The following ATP1A2 variants were observed in gnomAD, a reference collection of about 807,000 sequenced individuals.
ATP1A2 encodes sodium/potassium-transporting ATPase subunit alpha-2.
Under a neutral mutation model 113.1 loss-of-function variants are expected in ATP1A2, and 56 were observed. The ratio of observed to expected loss-of-function variants is 0.49; its 90% CI spans 0.40 to 0.62. The LOEUF (loss-of-function observed/expected upper bound fraction) is 0.62. Ranked by LOEUF, ATP1A2 falls within the 20% of genes least tolerant of loss-of-function variation. The pLI is 0.00. For missense variants in ATP1A2, 712 were observed against 1,357.8 expected (o/e 0.52, Z 7.47); for synonymous variants, 490 against 526.8 (o/e 0.93, Z 0.96).
intron 13 of ATP1A2, among the ~76,000 whole-genome samples, chr1:160,131,941 G>A (rs1316350246): frequency 1.3e-5 from 2 of 152,156 alleles, no homozygotes; most frequent in Non-Finnish European, 2.9e-5. Flanking sequence ...TGATCTGCTT[G>A]ACCGGAAAGC....
intron 18 of ATP1A2, 27 bp downstream of exon 18, chr1:160,136,397 G>A (rs971891646): frequency 5.6e-6 from 9 of 1,613,436 alleles, no homozygotes; most frequent in African/African-American, 2.7e-5. Flanking sequence ...GCCTCGGGAG[G>A]GAACCCCAAC....
In ATP1A2 at chr1:160,136,303, GC is replaced by G; in HGVS notation, c.2498del (p.Pro833HisfsTer10). 6.2e-7 allele frequency: 1 copy of G among 1,614,204 alleles called. No homozygotes were observed. The highest frequency in any genetic ancestry group is 8.5e-7 in the Non-Finnish European group (1 of 1,180,032). ...CTGAGAGTGATATCATGAAGCGGCAGCCACGAAACTCCCAGACGGACAAGCT... is the reference window on the plus strand; with the variant it reads ...CTGAGAGTGATATCATGAAGCGGCAGCACGAAACTCCCAGACGGACAAGCT... The part of the protein sequence containing the change: ...AAESDIMKRQ[P>X]RNSQTDKLVN... On this transcript the variant is annotated frameshift_variant, in exon 18 of 23. Coordinates refer to ENST00000361216, the MANE Select transcript of ATP1A2 (RefSeq NM_000702.4). LOFTEE classifies it high-confidence loss of function.
Position 160,141,010 on chromosome 1 carries a change from A to T in ATP1A2, c.3035-284A>T, listed in dbSNP as rs115534019. 0.014 allele frequency among the ~76,000 whole-genome samples: 2,134 copies of T among 151,948 alleles called. 18 individuals carry two copies. The highest frequency in any genetic ancestry group is 0.023 in the Non-Finnish European group (1,550 of 67,938). On this transcript the variant is annotated intron_variant, in intron 22 of 22. Coordinates refer to ENST00000361216, the MANE Select transcript of ATP1A2 (RefSeq NM_000702.4). ...CCAGAGTAGCTGGGATTGCAGGCGCATGCCACTATGCCCGACTAATTTTTT... is the reference window on the plus strand; with the variant it reads ...CCAGAGTAGCTGGGATTGCAGGCGCTTGCCACTATGCCCGACTAATTTTTT...
chr1:160,128,795 C>T lies in ATP1A2; in HGVS notation c.1161C>T (p.Ala387=). ...TCACCCAGAACCGCATGACCGTCGC[C>T]CACATGTGGTTCGACAACCAAATCC... ...GTLTQNRMTV[A]HMWFDNQIHE... Residue 387 remains alanine (A), a synonymous_variant, in exon 9 of 23, where the codon GCC becomes GCT. Coordinates refer to ENST00000361216, the MANE Select transcript of ATP1A2 (RefSeq NM_000702.4). 1 of 1,614,186 alleles carries T rather than the reference C, an allele frequency of 6.2e-7. No individual in the cohort carries two copies. The highest frequency in any genetic ancestry group is 8.5e-7 in the Non-Finnish European group (1 of 1,180,032).
intron 1 of ATP1A2, 90 bp from the exon 2 acceptor site, chr1:160,120,816 C>T: frequency 1.5e-6 from 2 of 1,347,238 alleles, no homozygotes; most frequent in Non-Finnish European, 2.1e-6. Flanking sequence ...AACACACACC[C>T]CCACTGCCTG....
chr1:160,136,227 C>T lies in ATP1A2; in HGVS notation c.2440-20C>T. ...CGTCCCTTCAAATGCCCTCCCTGCC[C>T]CATTTCCTACCCCACACAGGTCCCT... is the stretch of plus-strand genomic sequence containing the variant. On this transcript the variant is annotated intron_variant, in intron 17 of 22. Coordinates refer to ENST00000361216, the MANE Select transcript of ATP1A2 (RefSeq NM_000702.4). The T allele has an allele frequency of 6.2e-7, 1 of 1,614,086 alleles. No homozygotes were observed. Among genetic ancestry groups the T allele is most frequent in the East Asian group, 2.2e-5 (1 of 44,886 alleles).
Position 160,136,218 on chromosome 1 carries a change from CT to C in ATP1A2, c.2440-28del, listed in dbSNP as rs773843893. ...CATCTCCTACGTCCCTTCAAATGCCCTCCCTGCCCCATTTCCTACCCCACAC... is the reference window on the plus strand; with the variant it reads ...CATCTCCTACGTCCCTTCAAATGCCCCCCTGCCCCATTTCCTACCCCACAC... On this transcript the variant is annotated intron_variant, in intron 17 of 22. Coordinates refer to ENST00000361216, the MANE Select transcript of ATP1A2 (RefSeq NM_000702.4). The C allele has an allele frequency of 7.4e-6, 12 of 1,614,024 alleles. No homozygotes were observed. In the East Asian group the frequency reaches 2.7e-4, roughly 36 times the overall value.
Position 160,135,075 on chromosome 1 carries a change from G to C in ATP1A2, c.1965-70G>C, listed in dbSNP as rs946147373. 2 of 1,604,814 alleles carry C rather than the reference G, an allele frequency of 1.2e-6. No individual in the cohort carries two copies. Among genetic ancestry groups the C allele is most frequent in the South Asian group, 1.1e-5 (1 of 90,320 alleles). ...AGCCTGCAGGCTGCGGTGGTGAAGA[G>C]AGGCAGGGGGCAGGAGGGGCTGGTA... On this transcript the variant is annotated intron_variant, in intron 14 of 22. Coordinates refer to ENST00000361216, the MANE Select transcript of ATP1A2 (RefSeq NM_000702.4). The surrounding 1 kb of genome is among the most constrained non-coding windows in gnomAD (Gnocchi z 6.3).
In ATP1A2 at chr1:160,121,009, T is replaced by C; in HGVS notation, c.116T>C (p.Met39Thr). The change falls in exon 2 of 23, where the codon ATG becomes ACG. Residue 39 changes from methionine to threonine, a missense_variant and splice_region_variant. Transcript: ENST00000361216. The part of the protein sequence containing the change: ...ELDELKKEVA[M>T]DDHKLSLDEL... ...GATGAGCTGAAGAAGGAGGTGGCAA[T>C]GGTGAGGGAACTGCTGGGCCATGGA... 6.2e-7 allele frequency: 1 copy of C among 1,613,996 alleles called. No individual in the cohort carries two copies. The highest frequency in any genetic ancestry group is 8.5e-7 in the Non-Finnish European group (1 of 1,179,946).
Position 160,135,101 on chromosome 1 carries a change from C to G in ATP1A2, c.1965-44C>G. The stretch of plus-strand genomic sequence containing the variant: ...AGGCAGGGGGCAGGAGGGGCTGGTA[C>G]AGGTGCCAGGGGTCAGCTGTCTCTG... On this transcript the variant is annotated intron_variant, in intron 14 of 22. Transcript: ENST00000361216. The surrounding 1 kb of genome is among the most constrained non-coding windows in gnomAD (Gnocchi z 6.3). 1 of 1,612,264 alleles carries G rather than the reference C, an allele frequency of 6.2e-7. No individual in the cohort carries two copies. Among genetic ancestry groups the G allele is most frequent in the Non-Finnish European group, 8.5e-7 (1 of 1,179,404 alleles).
At chr1:160,125,371 G>A in intron 7 of ATP1A2, 118 bp downstream of exon 7, 1 of 934,148 alleles carries the variant, frequency 1.1e-6, no homozygotes, top group Non-Finnish European at 1.7e-6. Context: ...GGCAATTGAG[G>A]GGTCAGGGGG....
In ATP1A2 at chr1:160,139,609, T is replaced by A. The variant is rs1243837597; in HGVS notation, c.2841-31T>A. ...GGATCTCTGCCTCCATGATCCCCCT[T>A]CACCTGCCACCTCCTTTCTTTGCCT... On this transcript the variant is annotated intron_variant, in intron 20 of 22. Transcript: ENST00000361216. 1.7e-5 allele frequency: 28 copies of A among 1,601,902 alleles called. 1 individual carries two copies. The Admixed American group carries it at 4.5e-4, about 26-fold the overall frequency.
At position 160,128,979 on chromosome 1, in the gene ATP1A2, G is replaced by C. The variant is rs763157144; in HGVS notation, c.1217-1G>C. The C allele has an allele frequency of 6.2e-7, 1 of 1,602,132 alleles. No individual in the cohort carries two copies. The highest frequency in any genetic ancestry group is 1.7e-5 in the Admixed American group (1 of 58,246). On this transcript the variant is annotated splice_acceptor_variant, in intron 9 of 22. Coordinates refer to ENST00000361216, the MANE Select transcript of ATP1A2 (RefSeq NM_000702.4). LOFTEE classifies it high-confidence loss of function. ...CCTGGTTCCCCCTCATTTCCTCCCA[G>C]GGGCCACTTTTGACAAACGATCCCC...
At chr1:160,136,812 C>G in intron 19 of ATP1A2, 89 bp from the exon 20 acceptor site, 1 of 1,614,026 alleles carries the variant, frequency 6.2e-7, no homozygotes, top group Non-Finnish European at 8.5e-7. Flanking sequence ...GGGACTGGGG[C>G]TAGGGGTGGA....
At chr1:160,124,468 G>C (rs375076701) in intron 6 of ATP1A2, 38 bp downstream of exon 6, 3 of 1,579,702 alleles carry the variant, frequency 1.9e-6, no homozygotes, top group Non-Finnish European at 2.6e-6. Context: ...TTGAGTCTAA[G>C]GAGAAGGCTG....
rs1651547781 is a variant in ATP1A2, at chr1:160,125,213, G to A, written c.708G>A (p.Glu236=). Residue 236 remains glutamate, a synonymous_variant, in exon 7 of 23, where the codon GAG becomes GAA. Coordinates refer to ENST00000361216, the MANE Select transcript of ATP1A2 (RefSeq NM_000702.4). The stretch of plus-strand genomic sequence containing the variant: ...AGTTCACCCATGAGAACCCCCTGGA[G>A]ACCCGCAATATCTGTTTCTTCTCCA... The part of the protein sequence containing the change: ...SPEFTHENPL[E]TRNICFFSTN... 6.2e-7 allele frequency: 1 copy of A among 1,614,156 alleles called. No individual in the cohort carries two copies. The highest frequency in any genetic ancestry group is 8.5e-7 in the Non-Finnish European group (1 of 1,180,034).
chr1:160,125,234 C>T lies in ATP1A2; in HGVS notation c.729C>T (p.Phe243=), dbSNP rs776190177. ...NPLETRNICF[F]STNCVEGTAR... Reference sequence around the variant, plus strand: ...TGGAGACCCGCAATATCTGTTTCTTCTCCACCAACTGTGTTGAAGGTGAGA... The same window carrying T: ...TGGAGACCCGCAATATCTGTTTCTTTTCCACCAACTGTGTTGAAGGTGAGA... Residue 243 remains phenylalanine (F), a synonymous_variant, in exon 7 of 23, where the codon TTC becomes TTT. Transcript: ENST00000361216. 1 of 1,614,144 alleles carries T rather than the reference C, an allele frequency of 6.2e-7. No individual in the cohort carries two copies. Among genetic ancestry groups the T allele is most frequent in the Admixed American group, 1.7e-5 (1 of 60,022 alleles).
Position 160,129,097 on chromosome 1 carries a change from GT to G in ATP1A2, c.1326+9del, listed in dbSNP as rs780843759. 3 of 1,612,002 alleles carry G rather than the reference GT, an allele frequency of 1.9e-6. No homozygotes were observed. Among genetic ancestry groups the G allele is most frequent in the Non-Finnish European group, 2.5e-6 (3 of 1,179,422 alleles). On this transcript the variant is annotated intron_variant, in intron 10 of 22. Transcript: ENST00000361216. ...AACATCTCCGTGTCTAAGGTAGGGG[GT>G]CAGGACACACACCAGGTATGTTTTG...
rs890308395 is a variant in ATP1A2 at position 160,134,620 on chromosome 1, G to C, written c.1964G>C (p.Arg655Thr). The change falls in exon 14 of 23, where the codon AGA (arginine) becomes ACA (threonine). Residue 655 changes from arginine (R) to threonine (T), a missense_variant and splice_region_variant. Arg to Thr is a moderately conservative substitution (Grantham distance 71). This residue lies in a region of ATP1A2 where 263 missense variants were observed against 380.6 expected (regional missense o/e 0.69). Coordinates refer to ENST00000361216, the MANE Select transcript of ATP1A2 (RefSeq NM_000702.4). The stretch of plus-strand genomic sequence containing the variant: ...ATTCCCATGAGTCAAGTCAACCCCA[G>C]GTGAGGCCTCTGCAGGAAGCCCCTG... Reference protein sequence around the residue: ...LNIPMSQVNPREAKACVVHGS... With the variant: ...LNIPMSQVNPTEAKACVVHGS... The C allele has an allele frequency of 6.2e-7, 1 of 1,614,194 alleles. No homozygotes were observed. The highest frequency in any genetic ancestry group is 8.5e-7 in the Non-Finnish European group (1 of 1,180,014).
Sources: gnomAD v4.1 joint callset for allele counts (sites outside exome capture counted in the v4.1 genomes callset) on GRCh38, gnomAD v4.1.1 for gene constraint, gnomAD v4.1.1 regional missense constraint, Gnocchi (gnomAD v3.1) non-coding constraint, MANE v1.5 for transcripts, NCBI Gene and HGNC (gene_info 2026-07-23, HGNC 2026-07-21) for gene names.